The following SHANK2 variants were observed in gnomAD, a reference collection of about 807,000 sequenced individuals.
SHANK2 encodes SH3 and multiple ankyrin repeat domains 2, also known as SH3 and multiple ankyrin repeat domains protein 2.
SHANK2 carries 43 observed loss-of-function variants against 133.7 expected under a neutral mutation model. The observed-to-expected ratio is 0.32, with a 90% CI of 0.25 to 0.41. The LOEUF is 0.41. SHANK2 is among the 10% of genes least tolerant of loss of function. The probability of loss-of-function intolerance (pLI) is 1.00; values close to 1 mark genes in which losing one functional copy is unlikely to be tolerated. For synonymous variants in SHANK2, 1,017 were observed against 952.8 expected (o/e 1.07, Z -1.24); for missense variants, 1,994 against 2,235.8 (o/e 0.89, Z 2.18).
intron 1 of SHANK2, among the ~76,000 whole-genome samples, chr11:71,242,211 G>A (rs2135810881): frequency 6.6e-6 from 1 of 152,192 alleles, no homozygotes; most frequent in Admixed American, 6.5e-5. Context: ...ACAGACTGGT[G>A]GTCGCCAGGG....
chr11:70,913,804 A>G (rs753290400), intron 10 of SHANK2, among the ~76,000 whole-genome samples: 39 of 152,194 alleles, frequency 2.6e-4, no homozygotes, highest in Non-Finnish European at 3.7e-4. Context: ...ACATGGTGTC[A>G]TTGCCGGATG....
intron 10 of SHANK2, among the ~76,000 whole-genome samples, chr11:70,938,784 C>T (rs1555083848): frequency 1.3e-5 from 2 of 152,120 alleles, no homozygotes. Flanking sequence ...CAGAGTCAGG[C>T]TAGTGGACTC....
At chr11:71,174,156 A>C (rs1555112711) in intron 2 of SHANK2, among the ~76,000 whole-genome samples, 1 of 152,228 alleles carries the variant, frequency 6.6e-6, no homozygotes, top group East Asian at 1.9e-4. Flanking sequence ...ATCTTTGCAG[A>C]AGGAGGAAAC....
rs550631209 is a variant in SHANK2 at position 70,559,484 on chromosome 11, G to T, written c.2062-56553C>A. On this transcript the variant is annotated intron_variant, in intron 17 of 25. Transcript: ENST00000601538. ...TTTTTTCACCTCAAATCACTTACTC[G>T]GGAGATCATTCCCTAGCAGGACCCC... 1.7e-4 allele frequency among the ~76,000 whole-genome samples: 26 copies of T among 152,124 alleles called. No individual in the cohort carries two copies. The South Asian group carries it at 5.2e-3, about 30-fold the overall frequency.
At chr11:70,752,614 G>C (rs1946775260) in intron 14 of SHANK2, among the ~76,000 whole-genome samples, 1 of 151,584 alleles carries the variant, frequency 6.6e-6, no homozygotes, top group South Asian at 2.1e-4. Flanking sequence ...GCTGAGGCAG[G>C]AGAATGGCGT....
At chr11:70,921,513 A>C (rs144553887) in intron 10 of SHANK2, among the ~76,000 whole-genome samples, 1 of 152,252 alleles carries the variant, frequency 6.6e-6, no homozygotes, top group South Asian at 2.1e-4. Flanking sequence ...AGAAAAATGA[A>C]TGAGGCATTC....
chr11:70,755,266 T>C (rs904276185), intron 14 of SHANK2, among the ~76,000 whole-genome samples: 2 of 152,126 alleles, frequency 1.3e-5, no homozygotes, highest in Non-Finnish European at 2.9e-5. Context: ...GAGACAGGGT[T>C]TCACCATGTT....
intron 10 of SHANK2, among the ~76,000 whole-genome samples, chr11:70,901,825 G>A (rs1950027144): frequency 6.6e-6 from 1 of 152,188 alleles, no homozygotes; most frequent in Non-Finnish European, 1.5e-5. Context: ...TGTCAGACGT[G>A]GTGAATGTGG....
intron 17 of SHANK2, among the ~76,000 whole-genome samples, chr11:70,641,782 G>A (rs556684514): frequency 4.6e-4 from 70 of 152,312 alleles, no homozygotes; most frequent in African/African-American, 1.6e-3. Context: ...TTGTTACGGT[G>A]TCCAGCATTG....
intron 17 of SHANK2, among the ~76,000 whole-genome samples, chr11:70,523,508 G>A (rs985407817): frequency 6.6e-6 from 1 of 152,120 alleles, no homozygotes; most frequent in South Asian, 2.1e-4. Context: ...TGACTGGAAG[G>A]GGGGATGCAG....
intron 9 of SHANK2, among the ~76,000 whole-genome samples, chr11:71,061,302 T>C (rs1950983391): frequency 6.6e-6 from 1 of 152,254 alleles, no homozygotes; most frequent in African/African-American, 2.4e-5. Flanking sequence ...GAAAAAAGGG[T>C]ACCCAGCCCA....
At chr11:70,943,038 C>T (rs576856511) in intron 10 of SHANK2, 6 of 456,558 alleles carry the variant, frequency 1.3e-5, no homozygotes, top group Non-Finnish European at 2.6e-5. Context: ...CCAGCAAGTA[C>T]TGTGGGAATC....
chr11:70,688,318 T>G (rs1468639912), intron 15 of SHANK2, among the ~76,000 whole-genome samples: 1 of 152,198 alleles, frequency 6.6e-6, no homozygotes, highest in Non-Finnish European at 1.5e-5. Context: ...CACCTTGGTC[T>G]GGGGCCAAGG....
At chr11:71,191,513 C>T (rs1051604361) in intron 2 of SHANK2, among the ~76,000 whole-genome samples, 20 of 152,186 alleles carry the variant, frequency 1.3e-4, no homozygotes, top group African/African-American at 4.3e-4. Context: ...CATCCCTCCA[C>T]GCATCCACAG....
intron 14 of SHANK2, among the ~76,000 whole-genome samples, chr11:70,745,046 C>A (rs1325209058): frequency 2.6e-5 from 4 of 152,228 alleles, no homozygotes; most frequent in African/African-American, 9.6e-5. Flanking sequence ...GCCAAGCAAA[C>A]CTCTCAGCAA....
At chr11:70,667,036 T>C (rs1049624990) in intron 15 of SHANK2, among the ~76,000 whole-genome samples, 1 of 151,922 alleles carries the variant, frequency 6.6e-6, no homozygotes, top group Non-Finnish European at 1.5e-5. Flanking sequence ...GCTGTGCAGG[T>C]TGTGCACTGT....
intron 17 of SHANK2, among the ~76,000 whole-genome samples, chr11:70,616,320 G>A (rs1455592388): frequency 1.3e-5 from 2 of 152,076 alleles, no homozygotes; most frequent in African/African-American, 4.8e-5. Context: ...ACCCCACACT[G>A]GGCTGTCGGA....
chr11:70,704,879 G>GTTGA (rs1180040552), intron 14 of SHANK2, among the ~76,000 whole-genome samples: 1 of 152,222 alleles, frequency 6.6e-6, no homozygotes, highest in Non-Finnish European at 1.5e-5. Flanking sequence ...CTCTCCTGTG[G>GTTGA]TTGAGTAGGC....
chr11:70,710,018 T>C (rs1452119313), intron 14 of SHANK2, among the ~76,000 whole-genome samples: 6 of 152,006 alleles, frequency 3.9e-5, no homozygotes, highest in Admixed American at 1.3e-4. Context: ...CCGCTGGACT[T>C]GAAATTCAGA....
Sources: gnomAD v4.1 joint callset for allele counts (sites outside exome capture counted in the v4.1 genomes callset) on GRCh38, gnomAD v4.1.1 for gene constraint, MANE v1.5 for transcripts, NCBI Gene and HGNC (gene_info 2026-07-23, HGNC 2026-07-21) for gene names.